NKAIN3: variants seen among roughly 807,000 people sequenced by gnomAD.
NKAIN3 encodes the protein sodium/potassium-transporting ATPase subunit beta-1-interacting protein 3.
In NKAIN3, 25 loss-of-function variants were observed where a neutral mutation model predicts 30.2. That is an observed-to-expected ratio of 0.83 (90% confidence interval 0.60 to 1.16). The LOEUF is 1.16. NKAIN3 is among the 50% of genes most tolerant of loss of function. NKAIN3 has a pLI of 0.00. For synonymous variants in NKAIN3, 91 were observed against 89.6 expected, an observed-to-expected ratio of 1.02 and a Z score of -0.09; for missense variants, 225 against 254.1, an observed-to-expected ratio of 0.89 and a Z score of 0.78.
chr8:62,566,117 T>C (rs771539884), intron 1 of NKAIN3, among the ~76,000 whole-genome samples: 8 of 152,138 alleles, frequency 5.3e-5, no homozygotes, highest in Admixed American at 2.0e-4. Flanking sequence ...CTTATGGAAA[T>C]GCTTTGTTCT....
At chr8:62,869,363 C>A (rs1020763269) in intron 4 of NKAIN3, among the ~76,000 whole-genome samples, 1 of 152,106 alleles carries the variant, frequency 6.6e-6, no homozygotes, top group African/African-American at 2.4e-5. Flanking sequence ...GTGTGATGTT[C>A]CCCTCCCGGG....
chr8:62,586,902 A>AT (rs1042096918), intron 2 of NKAIN3, among the ~76,000 whole-genome samples: 15 of 151,944 alleles, frequency 9.9e-5, no homozygotes, highest in African/African-American at 4.8e-5. Context: ...ATGCAGAGTG[A>AT]TTTTTTTCTT....
chr8:62,855,377 G>A (rs1820032017), intron 4 of NKAIN3: 8 of 759,692 alleles, frequency 1.1e-5, no homozygotes, highest in Admixed American at 3.9e-5. Context: ...TTTCAGCATG[G>A]GCACAGTGAA....
At chr8:62,555,011 TACACACACACACAC>T (rs59610407) in intron 1 of NKAIN3, among the ~76,000 whole-genome samples, 2,990 of 145,018 alleles carry the variant, frequency 0.021, 39 homozygotes, top group Non-Finnish European at 0.034. Flanking sequence ...GCAGAATCTA[TACACACACACACAC>T]ACACACACAC....
intron 3 of NKAIN3, among the ~76,000 whole-genome samples, chr8:62,638,111 A>G (rs1392145838): frequency 6.6e-6 from 1 of 152,168 alleles, no homozygotes; most frequent in Non-Finnish European, 1.5e-5. Context: ...GAGTGTTCCT[A>G]GTATGTTTGA....
chr8:62,926,376 C>A (rs61628129), intron 5 of NKAIN3, among the ~76,000 whole-genome samples: 4 of 152,004 alleles, frequency 2.6e-5, no homozygotes, highest in African/African-American at 4.8e-5. Context: ...TGCCAGCCCC[C>A]CTGTGGGTTT....
chr8:62,281,487 T>C (rs1008317561), intron 1 of NKAIN3, among the ~76,000 whole-genome samples: 2 of 152,218 alleles, frequency 1.3e-5, no homozygotes, highest in Admixed American at 1.3e-4. Context: ...ATTTTAGATC[T>C]TTCCTGCTTT....
intron 4 of NKAIN3, among the ~76,000 whole-genome samples, chr8:62,771,980 G>A (rs1163572067): frequency 1.3e-5 from 2 of 152,024 alleles, no homozygotes; most frequent in African/African-American, 4.8e-5. Flanking sequence ...TAGGCACTGT[G>A]TTGTGCTATC....
At chr8:62,578,415 A>G (rs1317815825) in intron 1 of NKAIN3, among the ~76,000 whole-genome samples, 5 of 152,094 alleles carry the variant, frequency 3.3e-5, no homozygotes, top group Admixed American at 6.6e-5. Flanking sequence ...AAAGGATGCT[A>G]TCTAATCCAA....
At chr8:62,867,951 A>G (rs1240962050) in intron 4 of NKAIN3, among the ~76,000 whole-genome samples, 1 of 152,240 alleles carries the variant, frequency 6.6e-6, no homozygotes, top group African/African-American at 2.4e-5. Context: ...TAGTACATGC[A>G]GCTGTGTAAG....
At chr8:62,755,932 G>A (rs986952009) in intron 4 of NKAIN3, among the ~76,000 whole-genome samples, 1 of 152,120 alleles carries the variant, frequency 6.6e-6, no homozygotes, top group African/African-American at 2.4e-5. Flanking sequence ...AAACATTTGT[G>A]TTCAGAAGCC....
chr8:62,551,639 C>T (rs895761702), intron 1 of NKAIN3, among the ~76,000 whole-genome samples: 3 of 152,060 alleles, frequency 2.0e-5, no homozygotes, highest in Admixed American at 6.6e-5. Context: ...GTTTTGAGAC[C>T]GTTGGAAAAT....
intron 4 of NKAIN3, among the ~76,000 whole-genome samples, chr8:62,839,063 T>C (rs1052759635): frequency 3.3e-5 from 5 of 152,052 alleles, no homozygotes; most frequent in Non-Finnish European, 7.4e-5. Context: ...CACCCAATCC[T>C]ATCTCACACA....
chr8:62,295,711 G>A (rs1392107412), intron 1 of NKAIN3, among the ~76,000 whole-genome samples: 1 of 151,932 alleles, frequency 6.6e-6, no homozygotes, highest in African/African-American at 2.4e-5. Flanking sequence ...TCCCCTCTTC[G>A]GGTAGAAAAT....
intron 3 of NKAIN3, among the ~76,000 whole-genome samples, chr8:62,625,419 C>G (rs1260496538): frequency 6.6e-6 from 1 of 152,110 alleles, no homozygotes; most frequent in African/African-American, 2.4e-5. Context: ...TCCTCCCACT[C>G]AGGTTTTTTT....
At chr8:62,308,746 A>G (rs1814334886) in intron 1 of NKAIN3, among the ~76,000 whole-genome samples, 1 of 150,502 alleles carries the variant, frequency 6.6e-6, no homozygotes. Flanking sequence ...CAGCTACTGT[A>G]GAAAGGAAGG....
chr8:62,755,846 G>A (rs1372670034), intron 4 of NKAIN3, among the ~76,000 whole-genome samples: 1 of 152,086 alleles, frequency 6.6e-6, no homozygotes, highest in East Asian at 1.9e-4. Flanking sequence ...TCATTTATTG[G>A]ATCATCACAA....
chr8:62,272,685 C>T (rs370677376), intron 1 of NKAIN3, among the ~76,000 whole-genome samples: 4 of 152,052 alleles, frequency 2.6e-5, no homozygotes, highest in African/African-American at 4.8e-5. Context: ...TTCTTGAGGG[C>T]GCTATGCAGG....
rs1271465771 is a variant in NKAIN3 at position 62,708,920 on chromosome 8, TATAATC to T, written c.274-38007_274-38002del. On this transcript the variant is annotated intron_variant, in intron 3 of 6. Coordinates refer to ENST00000623646, the MANE Select transcript of NKAIN3 (RefSeq NM_001304533.3). ...CTTGTATGCAGATTTTGATGAGAGT[TATAATC>T]ATAAAGGGATGCTGGATTATGTCAA... 2.6e-5 allele frequency among the ~76,000 whole-genome samples: 4 copies of T among 152,298 alleles called. No individual in the cohort carries two copies. The East Asian group carries it at 7.7e-4, about 29-fold the overall frequency.
Sources: gnomAD v4.1 joint callset for allele counts (sites outside exome capture counted in the v4.1 genomes callset) on GRCh38, gnomAD v4.1.1 for gene constraint, MANE v1.5 for transcripts, NCBI Gene and HGNC (gene_info 2026-07-23, HGNC 2026-07-21) for gene names.